Variants in MKLN1 observed in about 807,000 individuals in gnomAD.
MKLN1 encodes muskelin.
A neutral mutation model predicts 99.0 loss-of-function variants in MKLN1; 18 were observed. The observed-to-expected ratio is 0.18, with a 90% CI of 0.13 to 0.27. MKLN1 has a LOEUF of 0.27. MKLN1 is among the 10% of genes least tolerant of loss of function. The pLI is 1.00. For missense variants in MKLN1, 621 were observed against 875.9 expected (o/e 0.71, Z 3.67); for synonymous variants, 288 against 293.2 (o/e 0.98, Z 0.18).
intron 3 of MKLN1, among the ~76,000 whole-genome samples, chr7:131,246,671 A>G (rs1797494860): frequency 6.7e-6 from 1 of 149,898 alleles, no homozygotes; most frequent in Non-Finnish European, 1.5e-5. Flanking sequence ...AATTTTTTGT[A>G]GAGACGGGGT....
chr7:131,419,682 A>G (rs764647409), intron 8 of MKLN1, among the ~76,000 whole-genome samples: 21 of 152,298 alleles, frequency 1.4e-4, no homozygotes, highest in Non-Finnish European at 2.8e-4. Context: ...AAAGTAAAAC[A>G]TTGCCACCTT....
At chr7:131,479,850 T>TTAAA (rs113026848) in intron 17 of MKLN1, among the ~76,000 whole-genome samples, 8 of 143,148 alleles carry the variant, frequency 5.6e-5, no homozygotes, top group East Asian at 2.1e-4. Context: ...AATAATAAAT[T>TTAAA]TAAATAAATA....
At chr7:131,121,044 C>T (rs1054107547) in intron 1 of MKLN1, among the ~76,000 whole-genome samples, 2 of 152,142 alleles carry the variant, frequency 1.3e-5, no homozygotes, top group Non-Finnish European at 2.9e-5. Flanking sequence ...TTCTGTGGAG[C>T]TGTACAGGAA....
intron 3 of MKLN1, among the ~76,000 whole-genome samples, chr7:131,312,342 A>C (rs1303418617): frequency 6.6e-6 from 1 of 152,092 alleles, no homozygotes; most frequent in Non-Finnish European, 1.5e-5. Context: ...AACTGCATAA[A>C]ATTTCTATAA....
intron 2 of MKLN1, among the ~76,000 whole-genome samples, chr7:131,190,618 A>C (rs778254957): frequency 1.6e-4 from 24 of 151,994 alleles, no homozygotes; most frequent in Non-Finnish European, 2.8e-4. Context: ...TCATTGTAAC[A>C]CTACAGCTGT....
chr7:131,139,057 C>T lies in MKLN1; in HGVS notation c.-418-3763C>T, dbSNP rs1584785680. On this transcript the variant is annotated intron_variant, in intron 1 of 7. Transcript: ENST00000416992. ...TGTTTCAGGTTAGTTACCACTAAGG[C>T]CTATGTGCACCTCATTATCACCCCC... Among the ~76,000 whole-genome samples, 2 of 152,212 alleles carry T rather than the reference C, an allele frequency of 1.3e-5. 1 individual carries two copies. The highest frequency in any genetic ancestry group is 3.9e-4 in the East Asian group (2 of 5,190).
chr7:131,434,314 C>T (rs941203993), intron 9 of MKLN1, among the ~76,000 whole-genome samples: 4 of 152,076 alleles, frequency 2.6e-5, no homozygotes, highest in Admixed American at 1.3e-4. Context: ...ATGATATTTT[C>T]GTTAACTTGA....
At chr7:131,140,473 C>G (rs1795714450) in intron 1 of MKLN1, among the ~76,000 whole-genome samples, 1 of 152,162 alleles carries the variant, frequency 6.6e-6, no homozygotes, top group Non-Finnish European at 1.5e-5. Flanking sequence ...TGGCTTGGTG[C>G]CTTTCTTGCT....
intron 17 of MKLN1, among the ~76,000 whole-genome samples, chr7:131,481,902 TAAATA>T (rs1446569473): frequency 1.3e-5 from 2 of 151,574 alleles, no homozygotes; most frequent in Non-Finnish European, 2.9e-5. Context: ...TAGTGAGAAT[TAAATA>T]AAAGTATTAA....
At chr7:131,265,519 T>C (rs1374118799) in intron 3 of MKLN1, among the ~76,000 whole-genome samples, 2 of 152,124 alleles carry the variant, frequency 1.3e-5, no homozygotes, top group Non-Finnish European at 2.9e-5. Context: ...GCCTACCAAA[T>C]GCTATGTTCC....
chr7:131,383,851 CCTT>C (rs1793923651), intron 2 of MKLN1, among the ~76,000 whole-genome samples: 1 of 152,166 alleles, frequency 6.6e-6, no homozygotes, highest in African/African-American at 2.4e-5. Flanking sequence ...GTCCAAGTCT[CCTT>C]CATCTCACCT....
At chr7:131,128,629 A>T (rs1563224385) in intron 1 of MKLN1, among the ~76,000 whole-genome samples, 1 of 152,058 alleles carries the variant, frequency 6.6e-6, no homozygotes, top group Non-Finnish European at 1.5e-5. Context: ...GAAATTCTAG[A>T]TTTTTTTTCA....
chr7:131,317,360 T>G (rs536488590), intron 3 of MKLN1, among the ~76,000 whole-genome samples: 1 of 152,260 alleles, frequency 6.6e-6, no homozygotes, highest in East Asian at 1.9e-4. Context: ...AAACTAAGCT[T>G]CTTAAGCAAA....
At chr7:131,280,797 C>T (rs1316808919) in intron 3 of MKLN1, among the ~76,000 whole-genome samples, 1 of 152,092 alleles carries the variant, frequency 6.6e-6, no homozygotes, top group Non-Finnish European at 1.5e-5. Flanking sequence ...TATGGGCTAA[C>T]ACCACCACAC....
chr7:131,426,777 T>G (rs937666666), intron 8 of MKLN1, among the ~76,000 whole-genome samples: 11 of 151,948 alleles, frequency 7.2e-5, no homozygotes, highest in African/African-American at 2.7e-4. Flanking sequence ...TTTTTTTAGA[T>G]GGAGTCTCGC....
chr7:131,429,444 G>A (rs542509530), intron 9 of MKLN1, among the ~76,000 whole-genome samples: 3 of 151,780 alleles, frequency 2.0e-5, no homozygotes, highest in African/African-American at 4.8e-5. Flanking sequence ...TGTCTTTTTT[G>A]CTTATGTCTC....
chr7:131,249,563 A>G (rs181669447), intron 3 of MKLN1, among the ~76,000 whole-genome samples: 40 of 152,308 alleles, frequency 2.6e-4, no homozygotes, highest in African/African-American at 8.9e-4. Context: ...CAAGGAACTG[A>G]CAGTTTAGCA....
intron 3 of MKLN1, among the ~76,000 whole-genome samples, chr7:131,257,526 T>C (rs1475884266): frequency 6.6e-6 from 1 of 152,232 alleles, no homozygotes; most frequent in Admixed American, 6.5e-5. Context: ...TGAAGATTTA[T>C]GGGGCATTTT....
At chr7:131,448,506 A>G (rs2116534626) in intron 12 of MKLN1, among the ~76,000 whole-genome samples, 1 of 152,336 alleles carries the variant, frequency 6.6e-6, no homozygotes, top group South Asian at 2.1e-4. Flanking sequence ...CAAAAAAGAA[A>G]ATATGTCAAA....
Sources: allele counts gnomAD v4.1 joint callset (sites outside exome capture counted in the v4.1 genomes callset), GRCh38; gene constraint gnomAD v4.1.1; transcripts MANE v1.5; gene names NCBI Gene and HGNC (gene_info 2026-07-23, HGNC 2026-07-21).